Variants in SIK3 observed in about 807,000 individuals in gnomAD.
SIK3 encodes SIK family kinase 3.
In SIK3, 28 loss-of-function variants were observed where a neutral mutation model predicts 144.2. That is an observed-to-expected ratio of 0.19 (90% confidence interval 0.14 to 0.27). SIK3 has a LOEUF of 0.27. Among genes scored for constraint, SIK3 ranks in the 10% least tolerant of loss-of-function variants. The probability of loss-of-function intolerance (pLI) is 1.00; values close to 1 mark genes in which losing one functional copy is unlikely to be tolerated. For synonymous variants in SIK3, 686 were observed against 676.3 expected (o/e 1.01, Z -0.22); for missense variants, 1,319 against 1,776.0 (o/e 0.74, Z 4.62).
Position 116,859,323 on chromosome 11 carries a change from T to C in SIK3, c.2707A>G (p.Ser903Gly). ...TTGGACAAGGGACGGTGCCCATAGC[T>C]GAGGGTGGCCATCAGGTTGGTACGG... ...QHRTNLMATL[S>G]YGHRPLSKQL... The change falls in exon 20 of 25, where the codon AGC (serine) becomes GGC (glycine). Residue 903 changes from serine (S) to glycine (G), a missense_variant. Coordinates refer to ENST00000445177, the MANE Select transcript of SIK3 (RefSeq NM_001366686.3). 6.2e-7 allele frequency: 1 copy of C among 1,613,928 alleles called. No homozygotes were observed.
chr11:116,864,180 T>C (rs1164690749), intron 15 of SIK3: 1 of 162,542 alleles, frequency 6.2e-6, no homozygotes, highest in Non-Finnish European at 1.3e-5. Context: ...CATATGTCTA[T>C]CTAGTGCCTT....
At chr11:116,854,222 T>G (rs1404601305) in intron 21 of SIK3, among the ~76,000 whole-genome samples, 1 of 150,908 alleles carries the variant, frequency 6.6e-6, no homozygotes, top group Non-Finnish European at 1.5e-5. Flanking sequence ...ATTAGCTGGG[T>G]GTAGTGGCAC....
chr11:117,001,416 G>C (rs1036134176), intron 1 of SIK3, among the ~76,000 whole-genome samples: 2 of 152,018 alleles, frequency 1.3e-5, no homozygotes, highest in Non-Finnish European at 2.9e-5. Flanking sequence ...TGAGGCAGGA[G>C]AATCACTTGA....
intron 3 of SIK3, among the ~76,000 whole-genome samples, chr11:116,942,188 T>G (rs1948343310): frequency 6.6e-6 from 1 of 152,200 alleles, no homozygotes; most frequent in Admixed American, 6.5e-5. Context: ...CATGCTTGAC[T>G]TAGTTATATT....
chr11:116,893,514 CA>C (rs61637606), intron 6 of SIK3, among the ~76,000 whole-genome samples: 40 of 146,558 alleles, frequency 2.7e-4, no homozygotes, highest in South Asian at 4.3e-4. Context: ...CCATCTCTAC[CA>C]AAAAAAAAAA....
intron 1 of SIK3, among the ~76,000 whole-genome samples, chr11:116,973,423 T>G (rs1949833199): frequency 6.6e-6 from 1 of 152,212 alleles, no homozygotes; most frequent in Non-Finnish European, 1.5e-5. Flanking sequence ...AAGCTTTGCT[T>G]TAGCCTTACT....
At chr11:116,939,397 C>T (rs568950075) in intron 3 of SIK3, among the ~76,000 whole-genome samples, 1 of 152,316 alleles carries the variant, frequency 6.6e-6, no homozygotes, top group Admixed American at 6.5e-5. Flanking sequence ...CCACCTGCCT[C>T]GGCCTCCCAA....
intron 23 of SIK3, among the ~76,000 whole-genome samples, chr11:116,847,206 G>C (rs1468141594): frequency 6.6e-6 from 1 of 152,216 alleles, no homozygotes; most frequent in Non-Finnish European, 1.5e-5. Flanking sequence ...CCTCTAAGCA[G>C]AACTGGAAAA....
At chr11:117,055,104 G>A (rs542456705) in intron 1 of SIK3, among the ~76,000 whole-genome samples, 6 of 152,160 alleles carry the variant, frequency 3.9e-5, no homozygotes, top group Admixed American at 2.0e-4. Context: ...GTTTATTCAC[G>A]GACACAGTCA....
At position 116,863,686 on chromosome 11, in the gene SIK3, G is replaced by A. The variant is rs1943473270; in HGVS notation, c.2085C>T (p.Ser695=). 1 of 1,614,162 alleles carries A rather than the reference G, an allele frequency of 6.2e-7. No homozygotes were observed. ...AHLEKMGNNS[S]IKQLQQECEQ... is the part of the protein sequence containing the mutation. ...CCATTACCTGCTGCAGCTGTTTGAT[G>A]CTGCTGTTGTTGCCCATTTTTTCCA... Residue 695 remains serine (S), a synonymous_variant, in exon 16 of 25, where the codon AGC becomes AGT. Coordinates refer to ENST00000445177, the MANE Select transcript of SIK3 (RefSeq NM_001366686.3).
chr11:117,052,357 T>C (rs1308983522), intron 1 of SIK3, among the ~76,000 whole-genome samples: 1 of 152,100 alleles, frequency 6.6e-6, no homozygotes, highest in Non-Finnish European at 1.5e-5. Flanking sequence ...AACCTAAAGG[T>C]AGAAAGACCA....
chr11:116,896,303 C>G lies in SIK3; in HGVS notation c.815G>C (p.Arg272Pro). ...GAACTTTCCACTCAGCACGCGGGCC[C>G]GCAGATTCTGCAGTGTGCTTCCATC... ...PFDGSTLQNL[R>P]ARVLSGKFRI... The change falls in exon 6 of 25, where the codon CGG (arginine) becomes CCG (proline). Residue 272 changes from arginine to proline, a missense_variant. Around this residue, in one of 8 missense-constraint regions of SIK3, gnomAD observed 125 missense variants for 285.2 expected, o/e 0.44. Transcript: ENST00000445177. The G allele has an allele frequency of 1.9e-6, 3 of 1,613,968 alleles. No individual in the cohort carries two copies. Among genetic ancestry groups the G allele is most frequent in the Non-Finnish European group, 2.5e-6 (3 of 1,179,884 alleles).
At position 117,098,235 on chromosome 11, in the gene SIK3, C is replaced by A. The variant is rs572802538; in HGVS notation, c.181G>T (p.Ala61Ser). ...PAPASRGPMP[A>S]RIGYYEIDRT... ...TCGATCTCGTAGTAGCCGATACGGG[C>A]GGGCATGGGTCCGCGGGAGGCCGGG... Residue 61 changes from alanine (A) to serine (S), a missense_variant, in exon 1 of 25, where the codon GCC (alanine) becomes TCC (serine). Ala to Ser is a moderately conservative substitution (Grantham distance 99). This residue lies in a region of SIK3 where 114 missense variants were observed against 116.2 expected (regional missense o/e 0.98). Transcript: ENST00000445177. 4.0e-6 allele frequency: 6 copies of A among 1,489,522 alleles called. No homozygotes were observed. Among genetic ancestry groups the A allele is most frequent in the Middle Eastern group, 1.8e-4 (1 of 5,558 alleles). 92.3% of individuals were successfully genotyped at this position (1,489,522 alleles called of 1,614,324 possible).
chr11:116,865,388 C>A (rs149392018), intron 15 of SIK3, among the ~76,000 whole-genome samples: 15 of 152,196 alleles, frequency 9.9e-5, no homozygotes, highest in African/African-American at 3.6e-4. Context: ...CCAGGTCAGT[C>A]CAGCACAGTA....
At chr11:117,097,850 T>C (rs1467029954) in intron 1 of SIK3, among the ~76,000 whole-genome samples, 1 of 152,014 alleles carries the variant, frequency 6.6e-6, no homozygotes, top group Non-Finnish European at 1.5e-5. Flanking sequence ...CGACCCCTTC[T>C]TTCCAATCAT....
intron 1 of SIK3, among the ~76,000 whole-genome samples, chr11:117,075,160 T>C (rs899487156): frequency 1.1e-4 from 16 of 152,188 alleles, no homozygotes; most frequent in African/African-American, 3.6e-4. Flanking sequence ...ACACAGATAA[T>C]ATCAACTGCC....
chr11:116,862,032 T>A (rs1365552544), intron 17 of SIK3, 106 bp from the exon 18 acceptor site: 1 of 1,252,242 alleles, frequency 8.0e-7, no homozygotes, highest in Non-Finnish European at 1.1e-6. Context: ...TGTCTCAGAT[T>A]TATGCTTTTG....
intron 1 of SIK3, among the ~76,000 whole-genome samples, chr11:117,021,463 A>T (rs573461207): frequency 6.6e-6 from 1 of 152,142 alleles, no homozygotes; most frequent in Non-Finnish European, 1.5e-5. Context: ...TGATGAGGTA[A>T]ATGATGTTTT....
chr11:116,946,951 T>C (rs1243114405), intron 3 of SIK3, among the ~76,000 whole-genome samples: 3 of 151,046 alleles, frequency 2.0e-5, no homozygotes, highest in Non-Finnish European at 1.5e-5. Flanking sequence ...CCATCTCTAC[T>C]AAAAATACAA....
Sources: allele counts gnomAD v4.1 joint callset (sites outside exome capture counted in the v4.1 genomes callset), GRCh38; gene constraint gnomAD v4.1.1; regional missense constraint gnomAD v4.1.1; transcripts MANE v1.5; gene names NCBI Gene and HGNC (gene_info 2026-07-23, HGNC 2026-07-21).